Variants in ZNF143 observed in about 807,000 individuals in gnomAD.
ZNF143 encodes the protein zinc finger protein 143, also known as SPH-binding factor.
In ZNF143, 49 loss-of-function variants were observed where a neutral mutation model predicts 74.1. That is an observed-to-expected ratio of 0.66 (90% CI 0.53 to 0.84). The LOEUF (loss-of-function observed/expected upper bound fraction) is 0.84, where lower values mean the gene tolerates loss of function less well. Ranked by LOEUF, ZNF143 falls within the 40% of genes least tolerant of loss-of-function variation. The pLI is 0.00. For missense variants in ZNF143, 637 were observed against 793.4 expected (o/e 0.80, Z 2.37); for synonymous variants, 304 against 282.8 (o/e 1.07, Z -0.75).
chr11:9,486,371 A>ATAATATATATATTATAT lies in ZNF143; in HGVS notation c.645+6825_645+6826insTAATATATATATTATAT, dbSNP rs1477531952. ...TATATATTATATATATATTATATATAATATATTATATATATAATATATATA... is the reference window on the plus strand; with the variant it reads ...TATATATTATATATATATTATATATATAATATATATATTATATATATATTATATATATAATATATATA... On this transcript the variant is annotated intron_variant, in intron 7 of 15. Coordinates refer to ENST00000396602, the MANE Select transcript of ZNF143 (RefSeq NM_003442.6). 5.7e-4 allele frequency among the ~76,000 whole-genome samples: 21 copies of ATAATATATATATTATAT among 36,716 alleles called. 1 individual carries two copies. The highest frequency in any genetic ancestry group is 2.4e-3 in the African/African-American group (19 of 7,938). 24.1% of individuals were successfully genotyped at this position (36,716 alleles called of 152,430 possible). A position where few individuals can be genotyped will look rare whatever the true frequency, so the allele number is the denominator to read the frequency against.
chr11:9,474,484 T>C, intron 4 of ZNF143, 66 bp from the exon 5 acceptor site: 2 of 1,500,332 alleles, frequency 1.3e-6, no homozygotes, highest in East Asian at 2.3e-5. Context: ...TTGACTCTTG[T>C]TGCTAAGTGA....
At chr11:9,495,560 C>G (rs917712136) in intron 8 of ZNF143, among the ~76,000 whole-genome samples, 1 of 152,206 alleles carries the variant, frequency 6.6e-6, no homozygotes, top group Non-Finnish European at 1.5e-5. Context: ...CAATGTGTCA[C>G]GAAGTATGCA....
chr11:9,477,719 C>A (rs1036192359), intron 5 of ZNF143, among the ~76,000 whole-genome samples: 4 of 152,090 alleles, frequency 2.6e-5, no homozygotes, highest in African/African-American at 4.8e-5. Flanking sequence ...GGGGAAAAAA[C>A]CACCATGGAG....
chr11:9,463,347 G>A (rs527753411), intron 1 of ZNF143, among the ~76,000 whole-genome samples: 8 of 152,232 alleles, frequency 5.3e-5, no homozygotes, highest in Admixed American at 2.6e-4. Flanking sequence ...ACCTTTTGAG[G>A]TACTCTAAAA....
intron 1 of ZNF143, among the ~76,000 whole-genome samples, chr11:9,466,592 G>C (rs374506899): frequency 4.0e-4 from 60 of 151,456 alleles, no homozygotes; most frequent in Non-Finnish European, 6.2e-4. Flanking sequence ...CACCACTCCC[G>C]GCATAATTTT....
chr11:9,511,300 T>A (rs929527544), intron 12 of ZNF143, among the ~76,000 whole-genome samples: 1 of 150,994 alleles, frequency 6.6e-6, no homozygotes, highest in African/African-American at 2.4e-5. Flanking sequence ...TGTTTGTTTG[T>A]TTGTTTTTGT....
chr11:9,496,457 C>T, intron 9 of ZNF143, 79 bp downstream of exon 9: 1 of 1,211,626 alleles, frequency 8.3e-7, no homozygotes, highest in Admixed American at 1.8e-5. Context: ...GAACTGACCC[C>T]TTGGCTGTGT....
At chr11:9,474,976 C>G (rs1485090902) in intron 5 of ZNF143, among the ~76,000 whole-genome samples, 2 of 152,174 alleles carry the variant, frequency 1.3e-5, no homozygotes, top group South Asian at 2.1e-4. Flanking sequence ...CAGCCTCAAA[C>G]TCCTGGGCTC....
rs928730384 is a variant in ZNF143, at chr11:9,511,751, T to C, written c.1376-697T>C. ...GCCACTGTGCCTGGCCTTTAACAGC[T>C]TTTTTTTTTTTTTTTTTTGAGACGG... On this transcript the variant is annotated intron_variant, in intron 12 of 15. Transcript: ENST00000396602. Among the ~76,000 whole-genome samples, 16 of 124,764 alleles carry C rather than the reference T, an allele frequency of 1.3e-4. No individual in the cohort carries two copies. The South Asian group carries it at 2.7e-3, about 21-fold the overall frequency. 81.9% of individuals were successfully genotyped at this position (124,764 alleles called of 152,430 possible). A position where few individuals can be genotyped will look rare whatever the true frequency, so the allele number is the denominator to read the frequency against.
Position 9,474,569 on chromosome 11 carries a change from A to T in ZNF143, c.309A>T (p.Leu103=). ...IPKSTGDSLR[L]EDGQAVQLED... is the part of the protein sequence containing the mutation. ...CTTGAGCAGGGGACAGTTTGCGTCT[A>T]GAGGATGGTCAAGCAGTACAGTTAG... Residue 103 remains leucine, a synonymous_variant, in exon 5 of 16, where the codon CTA becomes CTT. Transcript: ENST00000396602. 2 of 1,614,172 alleles carry T rather than the reference A, an allele frequency of 1.2e-6. No individual in the cohort carries two copies. The highest frequency in any genetic ancestry group is 1.7e-6 in the Non-Finnish European group (2 of 1,180,022).
At chr11:9,523,733 C>CA (rs987631972) in intron 14 of ZNF143, among the ~76,000 whole-genome samples, 49 of 146,948 alleles carry the variant, frequency 3.3e-4, no homozygotes, top group Non-Finnish European at 6.1e-4. Context: ...GACTCCGTCT[C>CA]AAAAAATATA....
Position 9,520,025 on chromosome 11 carries a change from A to ATTTTT in ZNF143, c.1686+3688_1686+3692dup, listed in dbSNP as rs954404348. Among the ~76,000 whole-genome samples the ATTTTT allele has an allele frequency of 3.1e-3, 281 of 91,380 alleles. 27 individuals are homozygous for ATTTTT. The highest frequency in any genetic ancestry group is 0.012 in the African/African-American group (258 of 21,024). The allele number at this position is 91,380 out of a possible 152,430, so 59.9% of individuals were successfully genotyped here. A position where few individuals can be genotyped will look rare whatever the true frequency, so the allele number is the denominator to read the frequency against. ...ATGTAGCAAGACACTGTTTCCACCAATTTTTTTTTTTTTTTTTTTTTTTTT... is the reference window on the plus strand; with the variant it reads ...ATGTAGCAAGACACTGTTTCCACCAATTTTTTTTTTTTTTTTTTTTTTTTTTTTTT... On this transcript the variant is annotated intron_variant, in intron 14 of 15. Transcript: ENST00000396602.
chr11:9,488,977 A>G (rs548324268), intron 7 of ZNF143, among the ~76,000 whole-genome samples: 2 of 152,314 alleles, frequency 1.3e-5, no homozygotes, highest in Non-Finnish European at 1.5e-5. Flanking sequence ...AAACATTTCC[A>G]ATACAAGGGG....
At chr11:9,500,714 A>G (rs986676268) in intron 10 of ZNF143, among the ~76,000 whole-genome samples, 1 of 152,244 alleles carries the variant, frequency 6.6e-6, no homozygotes. Context: ...GAATAAATCA[A>G]GTAGGATACA....
intron 14 of ZNF143, among the ~76,000 whole-genome samples, chr11:9,524,503 G>A (rs1465662468): frequency 1.3e-5 from 2 of 152,158 alleles, no homozygotes; most frequent in Admixed American, 6.5e-5. Flanking sequence ...AGCATTTTTA[G>A]TGGATGAATA....
At position 9,516,213 on chromosome 11, in the gene ZNF143, C is replaced by T; in HGVS notation, c.1537C>T (p.Gln513Ter). The T allele has an allele frequency of 1.2e-6, 2 of 1,613,884 alleles. No individual in the cohort carries two copies. Among genetic ancestry groups the T allele is most frequent in the Non-Finnish European group, 1.7e-6 (2 of 1,179,872 alleles). Residue 513 changes from glutamine (Q) to a stop codon, truncating the protein, a stop_gained, in exon 14 of 16, where the codon CAA becomes TAA. Transcript: ENST00000396602. LOFTEE classifies it high-confidence loss of function. Reference sequence around the variant, plus strand: ...CACTGTATTGCAGGTCAACATATCTCAAGCTGACATGCAGGCCATTGGCAA... The same window carrying T: ...CACTGTATTGCAGGTCAACATATCTTAAGCTGACATGCAGGCCATTGGCAA... ...QDGTQHVNISQADMQAIGNTI... is the reference protein window; with the variant it reads ...QDGTQHVNIS
chr11:9,489,050 CTG>C (rs1382284056), intron 7 of ZNF143, among the ~76,000 whole-genome samples: 2 of 152,208 alleles, frequency 1.3e-5, no homozygotes, highest in Non-Finnish European at 2.9e-5. Flanking sequence ...GGCTTTTTGA[CTG>C]TGTCTCCCTG....
chr11:9,463,112 A>G (rs759426247), intron 1 of ZNF143, among the ~76,000 whole-genome samples: 17 of 152,200 alleles, frequency 1.1e-4, no homozygotes, highest in South Asian at 4.1e-4. Flanking sequence ...ACATGTGTCA[A>G]TACTTTATTT....
At chr11:9,512,331 T>G (rs963565618) in intron 12 of ZNF143, 117 bp from the exon 13 acceptor site, 1 of 1,337,454 alleles carries the variant, frequency 7.5e-7, no homozygotes. Context: ...TTTCGTGACT[T>G]AGAATATAAT....
Sources: allele counts gnomAD v4.1 joint callset (sites outside exome capture counted in the v4.1 genomes callset), GRCh38; gene constraint gnomAD v4.1.1; transcripts MANE v1.5; gene names NCBI Gene and HGNC (gene_info 2026-07-23, HGNC 2026-07-21).